Variants in TMEM131L observed in about 807,000 individuals in gnomAD.
The protein encoded by TMEM131L is transmembrane protein 131-like.
A neutral mutation model predicts 192.2 loss-of-function variants in TMEM131L; 54 were observed. The ratio of observed to expected loss-of-function variants is 0.28; its 90% CI spans 0.23 to 0.35. TMEM131L has a LOEUF of 0.35. Ranked by LOEUF, TMEM131L falls within the 10% of genes least tolerant of loss-of-function variation. The pLI is 1.00. For synonymous variants in TMEM131L, 701 were observed against 704.9 expected (o/e 0.99, Z 0.09); for missense variants, 1,888 against 1,972.9 (o/e 0.96, Z 0.82).
chr4:153,592,705 AT>A, intron 18 of TMEM131L, 121 bp downstream of exon 18: 1 of 691,282 alleles, frequency 1.4e-6, no homozygotes. Flanking sequence ...GTATTAACCG[AT>A]TAGCTCATGG....
intron 3 of TMEM131L, among the ~76,000 whole-genome samples, chr4:153,492,072 G>T (rs560158722): frequency 6.7e-4 from 102 of 152,112 alleles, no homozygotes; most frequent in Admixed American, 1.9e-3. Context: ...CATGATCATA[G>T]CTCGCTGCAA....
intron 3 of TMEM131L, among the ~76,000 whole-genome samples, chr4:153,477,391 G>A (rs570765740): frequency 6.6e-6 from 1 of 152,176 alleles, no homozygotes; most frequent in South Asian, 2.1e-4. Context: ...TGTGTTGCAC[G>A]TGCCTTTGTA....
At chr4:153,509,750 C>T (rs1734227468) in intron 3 of TMEM131L, among the ~76,000 whole-genome samples, 1 of 152,256 alleles carries the variant, frequency 6.6e-6, no homozygotes, top group Non-Finnish European at 1.5e-5. Context: ...TTAATACTTT[C>T]ATATTAATTC....
At chr4:153,585,819 TA>T (rs1387189962) in intron 13 of TMEM131L, among the ~76,000 whole-genome samples, 1 of 152,102 alleles carries the variant, frequency 6.6e-6, no homozygotes, top group East Asian at 1.9e-4. Flanking sequence ...TCTCTCTTTT[TA>T]AAAAACTGTT....
At chr4:153,515,561 C>T (rs566646542) in intron 3 of TMEM131L, among the ~76,000 whole-genome samples, 3 of 152,176 alleles carry the variant, frequency 2.0e-5, no homozygotes, top group African/African-American at 4.8e-5. Context: ...TTTGTGTGGA[C>T]GTATGTTTTC....
intron 7 of TMEM131L, among the ~76,000 whole-genome samples, chr4:153,568,232 C>G (rs996311264): frequency 1.3e-5 from 2 of 152,220 alleles, no homozygotes; most frequent in East Asian, 3.9e-4. Flanking sequence ...AGGAGGGGCG[C>G]GTCATGAAGA....
chr4:153,566,972 C>T (rs1051523420), intron 7 of TMEM131L, among the ~76,000 whole-genome samples: 11 of 152,224 alleles, frequency 7.2e-5, no homozygotes, highest in African/African-American at 2.4e-4. Flanking sequence ...GCAAAGGTTG[C>T]GGTCCCGGGC....
intron 2 of TMEM131L, 118 bp downstream of exon 2, chr4:153,467,399 G>T: frequency 2.4e-6 from 2 of 849,746 alleles, no homozygotes; most frequent in Non-Finnish European, 3.8e-6. Flanking sequence ...ACTTTGCAAG[G>T]CAAATAAACG....
At chr4:153,575,325 A>G (rs1729862539) in intron 7 of TMEM131L, among the ~76,000 whole-genome samples, 1 of 152,112 alleles carries the variant, frequency 6.6e-6, no homozygotes, top group African/African-American at 2.4e-5. Flanking sequence ...TTCACCACAA[A>G]ACTGTGGAAA....
chr4:153,577,579 T>C (rs1310825158), intron 7 of TMEM131L, among the ~76,000 whole-genome samples: 1 of 152,186 alleles, frequency 6.6e-6, no homozygotes, highest in African/African-American at 2.4e-5. Context: ...AATAAAACTT[T>C]GCTGACAAAA....
chr4:153,528,512 A>T (rs1448884373), intron 3 of TMEM131L, among the ~76,000 whole-genome samples: 2 of 152,352 alleles, frequency 1.3e-5, no homozygotes, highest in South Asian at 4.1e-4. Flanking sequence ...ATAAGGTAAG[A>T]AAAAGTGTAA....
At chr4:153,498,040 C>CT (rs1166576647) in intron 3 of TMEM131L, among the ~76,000 whole-genome samples, 3 of 152,148 alleles carry the variant, frequency 2.0e-5, no homozygotes, top group Non-Finnish European at 4.4e-5. Flanking sequence ...GTGTTCCGTT[C>CT]TTTTTTTATT....
At chr4:153,551,919 T>C (rs1737653838) in intron 4 of TMEM131L, among the ~76,000 whole-genome samples, 1 of 152,116 alleles carries the variant, frequency 6.6e-6, no homozygotes, top group Non-Finnish European at 1.5e-5. Context: ...GAAAAATCTT[T>C]ATTGTGAGGC....
At position 153,585,608 on chromosome 4, in the gene TMEM131L, A is replaced by G; in HGVS notation, c.1308A>G (p.Leu436=). ...VFLSKETKHM[L]KILNFTGPLF... The stretch of plus-strand genomic sequence containing the variant: ...TTTCCAAGGAGACCAAGCACATGTT[A>G]AAGGTACATATAGTATTTTTTCCCC... The change falls in exon 13 of 35, where the codon TTA becomes TTG. Residue 436 remains leucine, a synonymous_variant. Coordinates refer to ENST00000409959, the MANE Select transcript of TMEM131L (RefSeq NM_001131007.2). 2 of 1,612,164 alleles carry G rather than the reference A, an allele frequency of 1.2e-6. No homozygotes were observed. Among genetic ancestry groups the G allele is most frequent in the Non-Finnish European group, 1.7e-6 (2 of 1,178,934 alleles).
At chr4:153,546,443 AAG>A (rs113322181) in intron 3 of TMEM131L, among the ~76,000 whole-genome samples, 50 of 152,306 alleles carry the variant, frequency 3.3e-4, no homozygotes, top group African/African-American at 1.1e-3. Context: ...TTTCGCAAGA[AAG>A]GGGGGAAAAG....
At position 153,487,693 on chromosome 4, in the gene TMEM131L, C is replaced by CGTGTGTGTGTGT. The variant is rs140651689; in HGVS notation, c.239+13821_239+13832dup. The stretch of plus-strand genomic sequence containing the variant: ...CCAGGCCCCTGTGGAGCTGCACAGG[C>CGTGTGTGTGTGT]GTGTGTGTGTGTGTGTGTGTGTGTG... On this transcript the variant is annotated intron_variant, in intron 3 of 34. Coordinates refer to ENST00000409959, the MANE Select transcript of TMEM131L (RefSeq NM_001131007.2). 8.3e-4 allele frequency among the ~76,000 whole-genome samples: 118 copies of CGTGTGTGTGTGT among 142,098 alleles called. 1 individual carries two copies. Among genetic ancestry groups the CGTGTGTGTGTGT allele is most frequent in the African/African-American group, 3.0e-3 (111 of 37,248 alleles). The allele number at this position is 142,098 out of a possible 152,430, so 93.2% of individuals were successfully genotyped here.
intron 3 of TMEM131L, among the ~76,000 whole-genome samples, chr4:153,535,189 G>A (rs1418951167): frequency 2.0e-5 from 3 of 152,278 alleles, no homozygotes; most frequent in Admixed American, 1.3e-4. Flanking sequence ...ATGGGATGCG[G>A]GGTGTGAGAA....
intron 3 of TMEM131L, among the ~76,000 whole-genome samples, chr4:153,502,904 A>G (rs147488125): frequency 4.6e-5 from 7 of 152,214 alleles, no homozygotes; most frequent in South Asian, 2.1e-4. Flanking sequence ...CTAGGGGTCA[A>G]TGACCCTTTT....
rs1056111504 is a variant in TMEM131L at position 153,467,230 on chromosome 4, C to G, written c.144C>G (p.Asn48Lys). The G allele has an allele frequency of 1.9e-6, 3 of 1,551,600 alleles. No individual in the cohort carries two copies. The highest frequency in any genetic ancestry group is 1.4e-5 in the African/African-American group (1 of 73,038). ...AQGQAIEPLP[N>K]VVELWQAEEG... ...CTGCAGCGATTGAGCCGTTGCCGAACGTGGTGGAGCTGTGGCAGGCAGAAG... is the reference window on the plus strand; with the variant it reads ...CTGCAGCGATTGAGCCGTTGCCGAAGGTGGTGGAGCTGTGGCAGGCAGAAG... Residue 48 changes from asparagine to lysine, a missense_variant, in exon 2 of 35, where the codon AAC becomes AAG. By Grantham distance (94) the Asn-to-Lys change is moderately conservative. Transcript: ENST00000409959.
Sources: allele counts gnomAD v4.1 joint callset (sites outside exome capture counted in the v4.1 genomes callset), GRCh38; gene constraint gnomAD v4.1.1; transcripts MANE v1.5; gene names NCBI Gene and HGNC (gene_info 2026-07-23, HGNC 2026-07-21).